The following POLR3B variants were observed in gnomAD, a reference collection of about 807,000 sequenced individuals.
POLR3B encodes DNA-directed RNA polymerase III subunit RPC2.
Under a neutral mutation model 147.4 loss-of-function variants are expected in POLR3B, and 96 were observed. The observed-to-expected ratio is 0.65, with a 90% CI of 0.55 to 0.77. The LOEUF is 0.77. Ranked by LOEUF, POLR3B falls within the 30% of genes least tolerant of loss-of-function variation. The pLI, the probability that POLR3B is intolerant of heterozygous loss-of-function variation, is 0.00. For synonymous variants in POLR3B, 461 were observed against 485.9 expected, an observed-to-expected ratio of 0.95 and a Z score of 0.67; for missense variants, 1,036 against 1,413.5, an observed-to-expected ratio of 0.73 and a Z score of 4.28.
In POLR3B at chr12:106,459,707, G is replaced by T. The variant is rs570482047; in HGVS notation, c.2570+339G>T. On this transcript the variant is annotated intron_variant, in intron 22 of 27. Coordinates refer to ENST00000228347, the MANE Select transcript of POLR3B (RefSeq NM_018082.6). ...AAGAGTTGGGAATTGATACTGCAGA[G>T]AGTGACATGATAAGAGTCATATTTT... 3.9e-5 allele frequency among the ~76,000 whole-genome samples: 6 copies of T among 152,258 alleles called. No individual in the cohort carries two copies. In the South Asian group the frequency reaches 1.2e-3, roughly 32 times the overall value.
At chr12:106,497,135 A>AT (rs1357200579) in intron 25 of POLR3B, among the ~76,000 whole-genome samples, 2 of 108,390 alleles carry the variant, frequency 1.8e-5, no homozygotes, top group Non-Finnish European at 4.2e-5. Context: ...TAAAAAAAAA[A>AT]ATTTTTTTTT....
chr12:106,471,507 T>G (rs1455553808), intron 23 of POLR3B, among the ~76,000 whole-genome samples: 1 of 152,040 alleles, frequency 6.6e-6, no homozygotes, highest in Non-Finnish European at 1.5e-5. Flanking sequence ...ATGAACCAGG[T>G]ACCTCAGTTG....
intron 26 of POLR3B, among the ~76,000 whole-genome samples, chr12:106,502,300 G>C (rs1030042960): frequency 6.6e-6 from 1 of 152,204 alleles, no homozygotes; most frequent in Admixed American, 6.5e-5. Context: ...AGGGAACCCA[G>C]GCCTTGGAGT....
At chr12:106,385,183 ATGT>A (rs1264713624) in intron 9 of POLR3B, among the ~76,000 whole-genome samples, 4 of 152,182 alleles carry the variant, frequency 2.6e-5, no homozygotes, top group Non-Finnish European at 5.9e-5. Context: ...GTTGAGGAAA[ATGT>A]TGTGACCATA....
intron 23 of POLR3B, among the ~76,000 whole-genome samples, chr12:106,463,844 A>G (rs946859593): frequency 6.6e-6 from 1 of 152,216 alleles, no homozygotes. Flanking sequence ...ATTCTCCTGC[A>G]GTTGCTATGC....
intron 18 of POLR3B, among the ~76,000 whole-genome samples, chr12:106,440,873 A>G (rs974748560): frequency 6.6e-6 from 1 of 152,220 alleles, no homozygotes; most frequent in African/African-American, 2.4e-5. Context: ...GTAAATGAAT[A>G]TAACTCTCAG....
intron 1 of POLR3B, among the ~76,000 whole-genome samples, chr12:106,359,989 C>T (rs955671950): frequency 1.3e-5 from 2 of 152,184 alleles, no homozygotes; most frequent in Admixed American, 1.3e-4. Context: ...TAATTCCAGC[C>T]TTCTGATTGA....
At chr12:106,397,813 G>C (rs1208565814) in intron 10 of POLR3B, among the ~76,000 whole-genome samples, 1 of 152,170 alleles carries the variant, frequency 6.6e-6, no homozygotes, top group Non-Finnish European at 1.5e-5. Context: ...GTGTGGATGT[G>C]TGGACATTTT....
chr12:106,470,181 T>C (rs1225350054), intron 23 of POLR3B, among the ~76,000 whole-genome samples: 1 of 152,176 alleles, frequency 6.6e-6, no homozygotes, highest in Non-Finnish European at 1.5e-5. Context: ...TCTTGTCTTC[T>C]TGATTTATTT....
At chr12:106,408,283 G>T (rs975223623) in intron 11 of POLR3B, among the ~76,000 whole-genome samples, 5 of 152,150 alleles carry the variant, frequency 3.3e-5, no homozygotes, top group African/African-American at 7.2e-5. Flanking sequence ...GAAAAACACG[G>T]GCAGATATTC....
chr12:106,415,699 A>T (rs1055577477), intron 12 of POLR3B, among the ~76,000 whole-genome samples: 14 of 152,224 alleles, frequency 9.2e-5, no homozygotes, highest in Admixed American at 2.6e-4. Context: ...TAATTTTTTT[A>T]AAAGTGTTAT....
At chr12:106,466,524 C>T (rs1444056713) in intron 23 of POLR3B, among the ~76,000 whole-genome samples, 1 of 151,968 alleles carries the variant, frequency 6.6e-6, no homozygotes, top group African/African-American at 2.4e-5. Context: ...ATGAAGTCTG[C>T]CCATGTCTAT....
At chr12:106,371,188 A>G (rs2036601505) in intron 6 of POLR3B, among the ~76,000 whole-genome samples, 1 of 152,218 alleles carries the variant, frequency 6.6e-6, no homozygotes. Context: ...ACATGAAAAA[A>G]TGCTCACCAT....
chr12:106,477,689 C>T (rs970475469), intron 23 of POLR3B, among the ~76,000 whole-genome samples: 23 of 152,076 alleles, frequency 1.5e-4, no homozygotes, highest in Non-Finnish European at 4.4e-5. Context: ...CCTTGTGCTT[C>T]CCAGGTGAGG....
chr12:106,482,478 C>A (rs1213524537), intron 23 of POLR3B, among the ~76,000 whole-genome samples: 3 of 152,114 alleles, frequency 2.0e-5, no homozygotes, highest in African/African-American at 4.8e-5. Context: ...GAAGCAGGCA[C>A]ATCTTACACG....
chr12:106,479,482 G>A (rs1223459408), intron 23 of POLR3B, among the ~76,000 whole-genome samples: 13 of 151,406 alleles, frequency 8.6e-5, no homozygotes. Flanking sequence ...CTGGGTTCAT[G>A]CCATTCTCCT....
chr12:106,383,303 C>A (rs772893252), intron 9 of POLR3B, among the ~76,000 whole-genome samples: 2 of 152,150 alleles, frequency 1.3e-5, no homozygotes, highest in Non-Finnish European at 2.9e-5. Flanking sequence ...TGTATATGTT[C>A]ACTGGAATAG....
At chr12:106,381,496 A>T (rs1421150264) in intron 9 of POLR3B, among the ~76,000 whole-genome samples, 1 of 152,164 alleles carries the variant, frequency 6.6e-6, no homozygotes, top group Non-Finnish European at 1.5e-5. Context: ...TTTTCTGCTC[A>T]TCCTTAGGAA....
In POLR3B at chr12:106,357,906, G is replaced by A; in HGVS notation, c.27G>A (p.Gly9=). The A allele has an allele frequency of 6.2e-7, 1 of 1,613,632 alleles. No homozygotes were observed. The highest frequency in any genetic ancestry group is 8.5e-7 in the Non-Finnish European group (1 of 1,179,994). The change falls in exon 1 of 28, where the codon GGG becomes GGA. Residue 9 remains glycine, a synonymous_variant. Coordinates refer to ENST00000228347, the MANE Select transcript of POLR3B (RefSeq NM_018082.6). ...TGGACGTGCTAGCGGAGGAGTTTGGGAACCTGACTCCGGAGCAGCTGGCGG... is the reference window on the plus strand; with the variant it reads ...TGGACGTGCTAGCGGAGGAGTTTGGAAACCTGACTCCGGAGCAGCTGGCGG... MDVLAEEF[G]NLTPEQLAAP... is the part of the protein sequence containing the mutation.
Sources: gnomAD v4.1 joint callset for allele counts (sites outside exome capture counted in the v4.1 genomes callset) on GRCh38, gnomAD v4.1.1 for gene constraint, MANE v1.5 for transcripts, NCBI Gene and HGNC (gene_info 2026-07-23, HGNC 2026-07-21) for gene names.